Variants in PHF2 observed in about 807,000 individuals in gnomAD.
The protein encoded by PHF2 is PHD finger protein 2, also known as lysine-specific demethylase PHF2.
PHF2 carries 27 observed loss-of-function variants against 120.5 expected under a neutral mutation model. The ratio of observed to expected loss-of-function variants is 0.22; its 90% CI spans 0.17 to 0.31. The LOEUF is 0.31. Among genes scored for constraint, PHF2 ranks in the 10% least tolerant of loss-of-function variants. The probability of loss-of-function intolerance (pLI) is 1.00; values close to 1 mark genes in which losing one functional copy is unlikely to be tolerated. For synonymous variants in PHF2, 568 were observed against 592.5 expected, an observed-to-expected ratio of 0.96 and a Z score of 0.60; for missense variants, 1,024 against 1,434.8, an observed-to-expected ratio of 0.71 and a Z score of 4.63.
chr9:93,663,772 C>CAG (rs1826624458), intron 14 of PHF2, 137 bp downstream of exon 14: 1 of 602,704 alleles, frequency 1.7e-6, no homozygotes, highest in Non-Finnish European at 3.0e-6. Context: ...GCATCTCACA[C>CAG]ACACCACACA....
At chr9:93,655,108 C>T (rs944703803) in intron 7 of PHF2, among the ~76,000 whole-genome samples, 5 of 152,212 alleles carry the variant, frequency 3.3e-5, no homozygotes, top group African/African-American at 7.2e-5. Flanking sequence ...CCAGACATTC[C>T]TCTGTTTCAT....
At chr9:93,646,109 G>T (rs1826255001) in intron 4 of PHF2, among the ~76,000 whole-genome samples, 1 of 152,236 alleles carries the variant, frequency 6.6e-6, no homozygotes, top group Admixed American at 6.5e-5. Context: ...ATGCCTGGGA[G>T]GCCCTGGTGG....
chr9:93,610,067 GTAGAT>G (rs1825610139), intron 1 of PHF2, among the ~76,000 whole-genome samples: 1 of 86,602 alleles, frequency 1.2e-5, no homozygotes, highest in South Asian at 5.0e-4. Context: ...ATGCCTAGGT[GTAGAT>G]TTTTTTTTGC....
At chr9:93,604,348 T>TTTTTTTTATG in intron 1 of PHF2, among the ~76,000 whole-genome samples, 1 of 151,560 alleles carries the variant, frequency 6.6e-6, no homozygotes. Flanking sequence ...TTTTTTTTTT[T>TTTTTTTTATG]TTTTGAGACG....
chr9:93,657,142 A>G (rs541510709), intron 9 of PHF2, among the ~76,000 whole-genome samples: 73 of 151,686 alleles, frequency 4.8e-4, no homozygotes, highest in Middle Eastern at 6.8e-3. Context: ...GCCAGCCACC[A>G]CCCTGTCCAG....
chr9:93,580,496 C>T (rs1001461864), intron 1 of PHF2, among the ~76,000 whole-genome samples: 2 of 152,214 alleles, frequency 1.3e-5, no homozygotes, highest in African/African-American at 4.8e-5. Flanking sequence ...CCATGCCCTC[C>T]ACTCCTGCCT....
chr9:93,616,584 G>A (rs1195624007), intron 1 of PHF2, among the ~76,000 whole-genome samples: 1 of 151,124 alleles, frequency 6.6e-6, no homozygotes, highest in Non-Finnish European at 1.5e-5. Flanking sequence ...TGAAGGCTCT[G>A]CCTGTCTGCC....
intron 14 of PHF2, 95 bp downstream of exon 14, chr9:93,663,730 C>T (rs1826623149): frequency 1.5e-6 from 1 of 687,428 alleles, no homozygotes; most frequent in African/African-American, 1.8e-5. Context: ...TTATACCACA[C>T]ACACATTACA....
At chr9:93,639,472 G>A (rs1436396001) in intron 3 of PHF2, among the ~76,000 whole-genome samples, 4 of 151,542 alleles carry the variant, frequency 2.6e-5, no homozygotes, top group Admixed American at 2.0e-4. Context: ...TTTTTTAGAG[G>A]GTTCCTTAGT....
At chr9:93,675,315 G>C (rs558618931) in intron 19 of PHF2, among the ~76,000 whole-genome samples, 26 of 152,380 alleles carry the variant, frequency 1.7e-4, no homozygotes, top group Non-Finnish European at 3.5e-4. Context: ...TCAATGGGCA[G>C]CTCTGTGAGG....
chr9:93,665,297 C>T (rs1459592878), intron 14 of PHF2, among the ~76,000 whole-genome samples: 1 of 152,234 alleles, frequency 6.6e-6, no homozygotes, highest in Non-Finnish European at 1.5e-5. Context: ...TGTCCAGTGG[C>T]CCTGGGACAG....
chr9:93,632,299 AC>A lies in PHF2; in HGVS notation c.184+2249del, dbSNP rs35107238. On this transcript the variant is annotated intron_variant, in intron 2 of 21. Transcript: ENST00000359246. ...CAGTGCTGAGGTTGCAGATGGTGGG[AC>A]CCCCAGCCCCTGCCTGGCTGTACAC... Among the ~76,000 whole-genome samples, 196 of 150,854 alleles carry A rather than the reference AC, an allele frequency of 1.3e-3. 3 individuals are homozygous for A. The highest frequency in any genetic ancestry group is 4.4e-3 in the African/African-American group (180 of 40,706).
intron 1 of PHF2, among the ~76,000 whole-genome samples, chr9:93,599,255 G>A (rs117927542): frequency 1.5e-4 from 23 of 152,308 alleles, no homozygotes; most frequent in Non-Finnish European, 1.3e-4. Flanking sequence ...TACCGTCATC[G>A]TCTTCATCTT....
intron 11 of PHF2, 121 bp from the exon 12 acceptor site, chr9:93,660,071 T>C (rs1399311464): frequency 6.2e-6 from 8 of 1,285,596 alleles, no homozygotes; most frequent in Admixed American, 3.0e-5. Context: ...AGCTGAGCCT[T>C]TCTGGGCTGA....
intron 14 of PHF2, among the ~76,000 whole-genome samples, chr9:93,665,230 A>C (rs1826653353): frequency 6.6e-6 from 1 of 152,234 alleles, no homozygotes; most frequent in Non-Finnish European, 1.5e-5. Context: ...TTTCCGGTTA[A>C]AGACCAATTC....
At chr9:93,651,404 T>A (rs771052968) in intron 5 of PHF2, among the ~76,000 whole-genome samples, 1 of 152,098 alleles carries the variant, frequency 6.6e-6, no homozygotes, top group African/African-American at 2.4e-5. Context: ...AGTCCGTGGA[T>A]CATTAGGGGG....
rs1274306877 is a variant in PHF2 at position 93,677,573 on chromosome 9, C to T, written c.3203-15C>T. On this transcript the variant is annotated splice_polypyrimidine_tract_variant and intron_variant, in intron 21 of 21. Coordinates refer to ENST00000359246, the MANE Select transcript of PHF2 (RefSeq NM_005392.4). This position sits in a 1 kb window ranked among gnomAD's most constrained non-coding sequence, Gnocchi z 4.4. ...CTTACCTTCCCTTTTTGTGTCCCCTCCCCGACTCCCCTAGGAAAACGTACG... is the reference window on the plus strand; with the variant it reads ...CTTACCTTCCCTTTTTGTGTCCCCTTCCCGACTCCCCTAGGAAAACGTACG... The T allele has an allele frequency of 6.2e-7, 1 of 1,610,390 alleles. No homozygotes were observed. The highest frequency in any genetic ancestry group is 1.7e-5 in the Admixed American group (1 of 59,636).
intron 1 of PHF2, among the ~76,000 whole-genome samples, chr9:93,593,105 A>AAAAAGG (rs71364385): frequency 0.29 from 34,620 of 121,104 alleles, 7,186 homozygotes; most frequent in Non-Finnish European, 0.37. Flanking sequence ...AAAAAAAAAA[A>AAAAAGG]AAAAAAGAAA....
chr9:93,615,229 GTGATGGTGATGGTGT>G (rs963679852), intron 1 of PHF2, among the ~76,000 whole-genome samples: 5 of 150,710 alleles, frequency 3.3e-5, no homozygotes, highest in East Asian at 2.0e-4. Context: ...GATAGTAATG[GTGATGGTGATGGTGT>G]TGATGGTGAT....
Sources: gnomAD v4.1 joint callset for allele counts (sites outside exome capture counted in the v4.1 genomes callset) on GRCh38, gnomAD v4.1.1 for gene constraint, Gnocchi (gnomAD v3.1) non-coding constraint, MANE v1.5 for transcripts, NCBI Gene and HGNC (gene_info 2026-07-23, HGNC 2026-07-21) for gene names.